RBM41: variants seen among roughly 807,000 people sequenced by gnomAD.
The protein encoded by RBM41 is RNA binding motif protein 41, also known as RNA-binding protein 41.
RBM41 carries 14 observed loss-of-function variants against 30.8 expected under a neutral mutation model. The ratio of observed to expected loss-of-function variants is 0.45; its 90% CI spans 0.30 to 0.71. The LOEUF is 0.71. Ranked by LOEUF, RBM41 falls within the 30% of genes least tolerant of loss-of-function variation. RBM41 has a pLI of 0.08. For synonymous variants in RBM41, 120 were observed against 110.1 expected (o/e 1.09, Z -0.56); for missense variants, 276 against 326.3 (o/e 0.85, Z 1.19).
At chrX:107,095,057 C>T (rs967552687) in intron 5 of RBM41, among the ~76,000 whole-genome samples, 1 of 106,897 alleles carries the variant, frequency 9.4e-6, no homozygotes, top group Non-Finnish European at 1.9e-5. Context: ...AAACTGAATA[C>T]TTTTCCCCTA....
chrX:107,079,796 C>T (rs1385139973), intron 6 of RBM41, among the ~76,000 whole-genome samples: 1 of 111,823 alleles, frequency 8.9e-6, no homozygotes, highest in Non-Finnish European at 1.9e-5. Context: ...TTCTCCATTT[C>T]CCTCAAACCC....
chrX:107,085,516 C>T (rs967180493), intron 6 of RBM41, among the ~76,000 whole-genome samples: 5 of 111,092 alleles, frequency 4.5e-5, no homozygotes, highest in Non-Finnish European at 9.4e-5. Flanking sequence ...GATCTGCTGG[C>T]CTCGGCCTCC....
rs1309728445 is a variant in RBM41, at chrX:107,075,519, A to G, written c.1000-6117T>C. On this transcript the variant is annotated intron_variant, in intron 6 of 7. Transcript: ENST00000685964. ...AAACCATATTTAATATCTAAAATAT[A>G]TAAGGAACTCTACAACTTGATGGCA... Among the ~76,000 whole-genome samples, 4 of 112,204 alleles carry G rather than the reference A, an allele frequency of 3.6e-5. No individual in the cohort carries two copies. The East Asian group carries it at 8.3e-4, about 23-fold the overall frequency.
At chrX:107,112,610 C>T (rs1924577101) in intron 5 of RBM41, among the ~76,000 whole-genome samples, 1 of 111,459 alleles carries the variant, frequency 9.0e-6, no homozygotes, top group Admixed American at 9.5e-5. Flanking sequence ...TATGCATAGC[C>T]ATCATAACCT....
At chrX:107,054,780 C>A in the RBM41 span, among the ~76,000 whole-genome samples, 1 of 111,881 alleles carries the variant, frequency 8.9e-6, no homozygotes, top group Non-Finnish European at 1.9e-5. Flanking sequence ...GGTTTGGAAA[C>A]CTTGTAGCCA....
chrX:107,118,411 G>A (rs1285890106), intron 1 of RBM41, among the ~76,000 whole-genome samples: 1 of 111,455 alleles, frequency 9.0e-6, no homozygotes, highest in African/African-American at 3.3e-5. Context: ...AACGGCGAGG[G>A]GCTGGCCCGA....
chrX:107,116,090 G>A, intron 2 of RBM41, 36 bp from the exon 3 acceptor site: 1 of 1,094,056 alleles, frequency 9.1e-7, no homozygotes, highest in Non-Finnish European at 1.2e-6. Flanking sequence ...AGAACATCTT[G>A]AGGTTACTAT....
At chrX:107,091,640 A>T (rs1385812303) in intron 5 of RBM41, among the ~76,000 whole-genome samples, 1 of 111,992 alleles carries the variant, frequency 8.9e-6, no homozygotes, top group Non-Finnish European at 1.9e-5. Flanking sequence ...CATAAATAAT[A>T]ATTTTTATTA....
intron 5 of RBM41, among the ~76,000 whole-genome samples, chrX:107,098,798 C>T (rs1038681447): frequency 3.6e-5 from 4 of 111,038 alleles, no homozygotes; most frequent in East Asian, 2.8e-4. Flanking sequence ...GTCAGGAGTT[C>T]GAGACCAGCC....
intron 6 of RBM41, among the ~76,000 whole-genome samples, chrX:107,083,724 T>A (rs1921752822): frequency 9.0e-6 from 1 of 111,383 alleles, no homozygotes; most frequent in African/African-American, 3.3e-5. Flanking sequence ...ACAGTGTTTT[T>A]GATTTCTAGC....
intron 6 of RBM41, among the ~76,000 whole-genome samples, chrX:107,082,497 T>C (rs1019132209): frequency 3.6e-5 from 4 of 111,704 alleles, no homozygotes; most frequent in African/African-American, 1.3e-4. Context: ...ACACGAGGGA[T>C]ACTGTCTGTA....
intron 5 of RBM41, among the ~76,000 whole-genome samples, chrX:107,090,494 A>C (rs2147615591): frequency 8.9e-6 from 1 of 111,947 alleles, no homozygotes; most frequent in South Asian, 3.8e-4. Flanking sequence ...TTAGTGGCCA[A>C]ATTATCCCAC....
downstream of RBM41, among the ~76,000 whole-genome samples, chrX:107,060,672 C>CA (rs975685414): frequency 1.8e-5 from 2 of 111,117 alleles, no homozygotes; most frequent in Admixed American, 1.9e-4. Flanking sequence ...CAGACTAAGA[C>CA]AATCCCCACT....
chrX:107,056,158 G>GT, the RBM41 span, among the ~76,000 whole-genome samples: 2 of 111,696 alleles, frequency 1.8e-5, no homozygotes, highest in African/African-American at 3.2e-5. Flanking sequence ...ATGATCATGT[G>GT]TTTTTTTCCT....
chrX:107,064,395 C>T lies in RBM41; in HGVS notation c.*3132G>A, dbSNP rs1202015170. 1.3e-5 allele frequency: 1 copy of T among 78,062 alleles called. No individual in the cohort carries two copies. Among genetic ancestry groups the T allele is most frequent in the East Asian group, 4.5e-4 (1 of 2,235 alleles). The allele number at this position is 78,062 out of a possible 1,213,427, so 6.4% of individuals were successfully genotyped here. A position where few individuals can be genotyped will look rare whatever the true frequency, so the allele number is the denominator to read the frequency against. The stretch of plus-strand genomic sequence containing the variant: ...TTGTAATTTCCCTTATGATTTTTTT[C>T]TTTGACACATTTTTTTTTTTTTTTG... On this transcript the variant is annotated 3_prime_UTR_variant, in exon 8 of 8. Transcript: ENST00000685964.
intron 5 of RBM41, among the ~76,000 whole-genome samples, chrX:107,106,121 T>A (rs1602606977): frequency 1.8e-5 from 2 of 112,180 alleles, no homozygotes; most frequent in Middle Eastern, 9.2e-3. Context: ...TCTACTCATC[T>A]GACAAAGGGC....
rs1935878513 is a variant in RBM41 at position 107,067,341 on chromosome X, T to C, written c.*186A>G. ...TACTCAGCATATCATCTGTCCTATA[T>C]AGTCTTCAATTATATAATAGAAAAT... is the stretch of plus-strand genomic sequence containing the variant. On this transcript the variant is annotated 3_prime_UTR_variant, in exon 8 of 8. Coordinates refer to ENST00000685964, the MANE Select transcript of RBM41 (RefSeq NM_001324242.2). 8.7e-6 allele frequency: 9 copies of C among 1,034,211 alleles called. No homozygotes were observed. Among genetic ancestry groups the C allele is most frequent in the Non-Finnish European group, 9.9e-6 (8 of 807,161 alleles). 85.2% of individuals were successfully genotyped at this position (1,034,211 alleles called of 1,213,427 possible).
At chrX:107,068,173 G>A (rs757846253) in intron 7 of RBM41, among the ~76,000 whole-genome samples, 9 of 110,832 alleles carry the variant, frequency 8.1e-5, no homozygotes, top group Non-Finnish European at 1.5e-4. Context: ...ACACTTGTAG[G>A]CATATTGAAG....
intron 6 of RBM41, among the ~76,000 whole-genome samples, chrX:107,084,717 G>C (rs752752847): frequency 9.0e-6 from 1 of 111,434 alleles, no homozygotes; most frequent in African/African-American, 3.3e-5. Flanking sequence ...AGCAAATCTG[G>C]GATGTGATTT....
Sources: gnomAD v4.1 joint callset for allele counts (sites outside exome capture counted in the v4.1 genomes callset) on GRCh38, gnomAD v4.1.1 for gene constraint, MANE v1.5 for transcripts, NCBI Gene and HGNC (gene_info 2026-07-23, HGNC 2026-07-21) for gene names.